GCSH: variants seen among roughly 807,000 people sequenced by gnomAD.
The protein encoded by GCSH is glycine cleavage system H protein, mitochondrial.
In GCSH, 15 loss-of-function variants were observed where a neutral mutation model predicts 21.3. The ratio of observed to expected loss-of-function variants is 0.70; its 90% CI spans 0.47 to 1.08. GCSH has a LOEUF of 1.08. Ranked by LOEUF, GCSH falls within the 50% of genes least tolerant of loss-of-function variation. The probability of loss-of-function intolerance (pLI) is 0.00; values close to 1 mark genes in which losing one functional copy is unlikely to be tolerated. For missense variants in GCSH, 179 were observed against 217.5 expected (o/e 0.82, Z 1.11); for synonymous variants, 59 against 84.5 (o/e 0.70, Z 1.66).
Position 81,096,154 on chromosome 16 carries a change from C to A in GCSH, c.125G>T (p.Arg42Leu), listed in dbSNP as rs76867061. 16 of 1,310,830 alleles carry A rather than the reference C, an allele frequency of 1.2e-5. No homozygotes were observed. In the East Asian group the frequency reaches 3.4e-4, roughly 28 times the overall value. 81.2% of individuals were successfully genotyped at this position (1,310,830 alleles called of 1,614,324 possible). ...ACCCGAGAGCAGAGCGGGTCCAGTGCGCAGCGTACGGACGGCGCCCACCCC... is the reference window on the plus strand; with the variant it reads ...ACCCGAGAGCAGAGCGGGTCCAGTGAGCAGCGTACGGACGGCGCCCACCCC... ...QLGVGAVRTL[R>L]TGPALLSVRK... is the part of the protein sequence containing the mutation. The change falls in exon 1 of 5, where the codon CGC becomes CTC. Residue 42 changes from arginine to leucine, a missense_variant. By Grantham distance (102) the Arg-to-Leu change is moderately radical. Coordinates refer to ENST00000315467, the MANE Select transcript of GCSH (RefSeq NM_004483.5).
chr16:81,083,643 T>G (rs1300538801), intron 4 of GCSH: 1 of 152,896 alleles, frequency 6.5e-6, no homozygotes, highest in Non-Finnish European at 1.5e-5. Context: ...TTAGAAGGGC[T>G]AGGTGACAGA....
At chr16:81,088,089 A>G (rs8177901) in intron 2 of GCSH, among the ~76,000 whole-genome samples, 1 of 151,938 alleles carries the variant, frequency 6.6e-6, no homozygotes, top group Non-Finnish European at 1.5e-5. Context: ...TTGCACCTGT[A>G]TACTCCAGCC....
chr16:81,095,545 G>C (rs1329373224), intron 1 of GCSH, among the ~76,000 whole-genome samples: 3 of 151,802 alleles, frequency 2.0e-5, no homozygotes, highest in African/African-American at 7.3e-5. Flanking sequence ...GCCACGCCTG[G>C]CTAATTTTTT....
intron 1 of GCSH, 61 bp downstream of exon 1, chr16:81,096,070 G>T: frequency 8.3e-7 from 1 of 1,209,036 alleles, no homozygotes; most frequent in Non-Finnish European, 1.0e-6. Context: ...TGTCCCGCTG[G>T]GCCCGGGACA....
intron 1 of GCSH, 140 bp downstream of exon 1, chr16:81,095,991 A>G: frequency 2.9e-6 from 2 of 678,054 alleles, no homozygotes; most frequent in Non-Finnish European, 4.1e-6. Context: ...CCCAACAGAA[A>G]TAAGAAGGGG....
chr16:81,086,273 T>C (rs8177931), intron 3 of GCSH, among the ~76,000 whole-genome samples: 143,400 of 148,028 alleles, frequency 0.97, 69,679 homozygotes, highest in Middle Eastern at 1. Flanking sequence ...CGGCTCATGC[T>C]TGTAATCCCA....
rs956695846 is a variant in GCSH at position 81,090,639 on chromosome 16, T to A, written c.190A>T (p.Asn64Tyr). 1 of 1,612,986 alleles carries A rather than the reference T, an allele frequency of 6.2e-7. No homozygotes were observed. The highest frequency in any genetic ancestry group is 1.3e-5 in the African/African-American group (1 of 74,900). ...CTGATTCCCACTGTTCCAATGCCAT[T>A]TTCTGTTGTTACCCATTCGTGTTTC... ...TEKHEWVTTE[N>Y]GIGTVGISNF... Residue 64 changes from asparagine (N) to tyrosine (Y), a missense_variant, in exon 2 of 5, where the codon AAT (asparagine) becomes TAT (tyrosine). Asn to Tyr is a moderately radical substitution (Grantham distance 143). Coordinates refer to ENST00000315467, the MANE Select transcript of GCSH (RefSeq NM_004483.5).
intron 3 of GCSH, among the ~76,000 whole-genome samples, chr16:81,084,802 C>G (rs934000869): frequency 3.3e-5 from 5 of 151,126 alleles, no homozygotes; most frequent in Non-Finnish European, 5.9e-5. Flanking sequence ...CTCCACCTCC[C>G]AAGGGTTCAT....
At chr16:81,095,342 T>C (rs1972481519) in intron 1 of GCSH, among the ~76,000 whole-genome samples, 1 of 151,860 alleles carries the variant, frequency 6.6e-6, no homozygotes, top group African/African-American at 2.4e-5. Flanking sequence ...TTATGATTGT[T>C]TTATCTAGTA....
At chr16:81,094,059 C>T (rs997428789) in intron 1 of GCSH, among the ~76,000 whole-genome samples, 4 of 152,014 alleles carry the variant, frequency 2.6e-5, no homozygotes, top group East Asian at 2.0e-4. Context: ...CCACCACGCC[C>T]GACTAATTTT....
rs1332082868 is a variant in GCSH at position 81,082,443 on chromosome 16, A to G, written c.*423T>C. The G allele has an allele frequency of 2.6e-6, 1 of 390,634 alleles. No homozygotes were observed. The highest frequency in any genetic ancestry group is 1.9e-5 in the South Asian group (1 of 53,922). The allele number at this position is 390,634 out of a possible 1,614,324, so 24.2% of individuals were successfully genotyped here. A position where few individuals can be genotyped will look rare whatever the true frequency, so the allele number is the denominator to read the frequency against. On this transcript the variant is annotated 3_prime_UTR_variant, in exon 5 of 5. Transcript: ENST00000315467. ...AGTGGTGTTCCTCATCTGACACTGTACAAGCAACAAAACCTCTTCACTTCC... is the reference window on the plus strand; with the variant it reads ...AGTGGTGTTCCTCATCTGACACTGTGCAAGCAACAAAACCTCTTCACTTCC...
intron 2 of GCSH, among the ~76,000 whole-genome samples, chr16:81,087,975 A>T (rs1972318324): frequency 6.6e-6 from 1 of 152,046 alleles, no homozygotes; most frequent in African/African-American, 2.4e-5. Flanking sequence ...AAAATACAAA[A>T]ATTAGCTGGG....
chr16:81,084,835 C>A (rs569577108), intron 3 of GCSH, among the ~76,000 whole-genome samples: 79 of 151,852 alleles, frequency 5.2e-4, no homozygotes, highest in African/African-American at 1.9e-3. Flanking sequence ...CCTCAGCCTC[C>A]CGAGTAGCTG....
In GCSH at chr16:81,082,212, T is replaced by C. The variant is rs1476841137; in HGVS notation, c.*654A>G. ...AAAACATTTTCTTGGAGCTTTGCATTGTTCTGGCTTAAATTTCCTTTTAAA... is the reference window on the plus strand; with the variant it reads ...AAAACATTTTCTTGGAGCTTTGCATCGTTCTGGCTTAAATTTCCTTTTAAA... On this transcript the variant is annotated 3_prime_UTR_variant, in exon 5 of 5. Transcript: ENST00000315467. 1 of 453,980 alleles carries C rather than the reference T, an allele frequency of 2.2e-6. No homozygotes were observed. Among genetic ancestry groups the C allele is most frequent in the Non-Finnish European group, 4.4e-6 (1 of 226,732 alleles). The allele number at this position is 453,980 out of a possible 1,614,324, so 28.1% of individuals were successfully genotyped here.
At chr16:81,091,751 C>A (rs956704760) in intron 1 of GCSH, among the ~76,000 whole-genome samples, 18 of 152,122 alleles carry the variant, frequency 1.2e-4, no homozygotes, top group African/African-American at 4.1e-4. Flanking sequence ...AGCTCTGATA[C>A]GCAGCACAAC....
At chr16:81,091,134 CAGGT>C in intron 1 of GCSH, 1 of 451,120 alleles carries the variant, frequency 2.2e-6, no homozygotes, top group Non-Finnish European at 4.4e-6. Context: ...CAGTAATAAT[CAGGT>C]GCCTCTTTAG....
At chr16:81,083,258 C>T (rs1375676595) in intron 4 of GCSH, 6 of 375,170 alleles carry the variant, frequency 1.6e-5, no homozygotes, top group Non-Finnish European at 3.0e-5. Flanking sequence ...TGGCTCATGC[C>T]TGTAATCCCA....
chr16:81,095,056 G>A (rs1972473808), intron 1 of GCSH, among the ~76,000 whole-genome samples: 1 of 151,184 alleles, frequency 6.6e-6, no homozygotes, highest in African/African-American at 2.4e-5. Flanking sequence ...TCACGCCGCT[G>A]CACTCCAGCC....
At position 81,095,377 on chromosome 16, in the gene GCSH, A is replaced by ATTTTTTT. The variant is rs78295348; in HGVS notation, c.148+747_148+753dup. On this transcript the variant is annotated intron_variant, in intron 1 of 4. Coordinates refer to ENST00000315467, the MANE Select transcript of GCSH (RefSeq NM_004483.5). The stretch of plus-strand genomic sequence containing the variant: ...AAAAAAATCTAGATCTGGCGCTTTA[A>ATTTTTTT]TTTTTTTTTTTTTTTTTTTTTTTGA... Among the ~76,000 whole-genome samples the ATTTTTTT allele has an allele frequency of 4.5e-3, 661 of 145,838 alleles. 15 individuals are homozygous for ATTTTTTT. Among genetic ancestry groups the ATTTTTTT allele is most frequent in the African/African-American group, 0.016 (617 of 37,794 alleles).
Sources: gnomAD v4.1 joint callset for allele counts (sites outside exome capture counted in the v4.1 genomes callset) on GRCh38, gnomAD v4.1.1 for gene constraint, MANE v1.5 for transcripts, NCBI Gene and HGNC (gene_info 2026-07-23, HGNC 2026-07-21) for gene names.